ZNF493: variants seen among roughly 807,000 people sequenced by gnomAD.
ZNF493 encodes the protein zinc finger protein 493.
ZNF493 carries 11 observed loss-of-function variants against 12.2 expected under a neutral mutation model. That is an observed-to-expected ratio of 0.90 (90% CI 0.57 to 1.50). The LOEUF (loss-of-function observed/expected upper bound fraction) is 1.50. ZNF493 is among the 40% of genes most tolerant of loss of function. The pLI is 0.00. For synonymous variants in ZNF493, 286 were observed against 302.6 expected, an observed-to-expected ratio of 0.95 and a Z score of 0.57; for missense variants, 950 against 906.6, an observed-to-expected ratio of 1.05 and a Z score of -0.61.
intron 1 of ZNF493, among the ~76,000 whole-genome samples, chr19:21,400,646 G>T (rs1420969661): frequency 6.6e-6 from 1 of 152,138 alleles, no homozygotes; most frequent in Non-Finnish European, 1.5e-5. Context: ...AGATGTTCCA[G>T]CCTGCTCACT....
chr19:21,413,565 C>A, intron 3 of ZNF493: 1 of 405,128 alleles, frequency 2.5e-6, no homozygotes, highest in South Asian at 1.2e-4. Context: ...TCCTCAGCAT[C>A]AATCTTGACA....
intron 1 of ZNF493, among the ~76,000 whole-genome samples, chr19:21,400,538 G>A (rs2029903304): frequency 6.6e-6 from 1 of 152,134 alleles, no homozygotes; most frequent in South Asian, 2.1e-4. Flanking sequence ...GAAAATTAAA[G>A]GTTGAGCCCA....
In ZNF493 at chr19:21,426,770, T is replaced by G. The variant is rs1046894275; in HGVS notation, c.*1786T>G. On this transcript the variant is annotated 3_prime_UTR_variant, in exon 4 of 4. Transcript: ENST00000392288. Reference sequence around the variant, plus strand: ...TAAAAAAAATTTTAATCCAAATTTGTCTATGTAAATACCAGAATTTATAGT... The same window carrying G: ...TAAAAAAAATTTTAATCCAAATTTGGCTATGTAAATACCAGAATTTATAGT... The G allele has an allele frequency of 3.6e-5, 6 of 167,006 alleles. No homozygotes were observed. Among genetic ancestry groups the G allele is most frequent in the Non-Finnish European group, 8.8e-5 (6 of 68,078 alleles). 10.3% of individuals were successfully genotyped at this position (167,006 alleles called of 1,614,324 possible).
intron 3 of ZNF493, chr19:21,407,578 C>T: frequency 2.1e-6 from 2 of 973,010 alleles, no homozygotes; most frequent in Non-Finnish European, 2.4e-6. Flanking sequence ...CGTGAGCCAC[C>T]ATGCCCAGCC....
At chr19:21,418,904 C>G (rs2030572385) in intron 3 of ZNF493, among the ~76,000 whole-genome samples, 1 of 152,144 alleles carries the variant, frequency 6.6e-6, no homozygotes, top group African/African-American at 2.4e-5. Context: ...AACCCACAAC[C>G]TCCCAGCGTG....
intron 1 of ZNF493, among the ~76,000 whole-genome samples, chr19:21,404,834 C>T (rs555011995): frequency 6.8e-5 from 9 of 132,010 alleles, no homozygotes; most frequent in African/African-American, 2.2e-4. Flanking sequence ...CTTTGTGTGG[C>T]AAATATAGCA....
At chr19:21,410,091 T>TATATATGC (rs1555730610) in intron 3 of ZNF493, among the ~76,000 whole-genome samples, 1 of 144,472 alleles carries the variant, frequency 6.9e-6, no homozygotes, top group South Asian at 2.2e-4. Flanking sequence ...TATATATATA[T>TATATATGC]GCAACACTTT....
intron 1 of ZNF493, among the ~76,000 whole-genome samples, chr19:21,400,269 G>A (rs1190117219): frequency 6.6e-6 from 1 of 152,146 alleles, no homozygotes; most frequent in South Asian, 2.1e-4. Context: ...AATTAGCTGG[G>A]CATGGTGGCA....
At chr19:21,412,532 CT>C (rs1011818773) in intron 3 of ZNF493, 3 of 155,600 alleles carry the variant, frequency 1.9e-5, no homozygotes, top group Non-Finnish European at 2.8e-5. Flanking sequence ...CAACATGTCT[CT>C]TCTTTGATTT....
At chr19:21,417,063 A>T (rs146734046) in intron 3 of ZNF493, among the ~76,000 whole-genome samples, 1 of 152,316 alleles carries the variant, frequency 6.6e-6, no homozygotes, top group East Asian at 1.9e-4. Flanking sequence ...CCCAGTTTAG[A>T]ACGGGGCCTG....
At position 21,397,176 on chromosome 19, in the gene ZNF493, GCT is replaced by G; in HGVS notation, c.-59_-58del. The G allele has an allele frequency of 6.2e-7, 1 of 1,602,204 alleles. No homozygotes were observed. The highest frequency in any genetic ancestry group is 8.6e-7 in the Non-Finnish European group (1 of 1,169,074). ...CGGAGCTCCAGGTCTACCCTTCACTGCTCTGTGTCCTCAGCGTGTGTGGCTTC... is the reference window on the plus strand; with the variant it reads ...CGGAGCTCCAGGTCTACCCTTCACTGCTGTGTCCTCAGCGTGTGTGGCTTC... On this transcript the variant is annotated 5_prime_UTR_variant, in exon 1 of 4. Transcript: ENST00000392288.
intron 1 of ZNF493, chr19:21,398,389 CTT>C (rs1974206942): frequency 5.7e-6 from 1 of 175,610 alleles, no homozygotes; most frequent in Non-Finnish European, 1.2e-5. Flanking sequence ...ATCTCTGTCT[CTT>C]TTGCTTTCAT....
In ZNF493 at chr19:21,423,675, A is replaced by G. The variant is rs777895862; in HGVS notation, c.1016A>G (p.His339Arg). The change falls in exon 4 of 4, where the codon CAT (histidine) becomes CGT (arginine). Residue 339 changes from histidine to arginine, a missense_variant. By Grantham distance (29) the His-to-Arg change is conservative. Transcript: ENST00000392288. Reference protein sequence around the residue: ...AFSIFSTPTKHKIIHTEEKSH... With the variant: ...AFSIFSTPTKRKIIHTEEKSH... ...AGTATTTTCTCAACCCCTACTAAACATAAGATAATTCACACTGAAGAGAAA... is the reference window on the plus strand; with the variant it reads ...AGTATTTTCTCAACCCCTACTAAACGTAAGATAATTCACACTGAAGAGAAA... 5 of 1,613,802 alleles carry G rather than the reference A, an allele frequency of 3.1e-6. No individual in the cohort carries two copies. In the South Asian group the frequency reaches 3.3e-5, roughly 11 times the overall value.
At chr19:21,399,265 A>G (rs1238392898) in intron 1 of ZNF493, among the ~76,000 whole-genome samples, 1 of 151,306 alleles carries the variant, frequency 6.6e-6, no homozygotes, top group Non-Finnish European at 1.5e-5. Flanking sequence ...GGTTCCCGCC[A>G]TTCTCCTGCC....
chr19:21,423,392 TC>T lies in ZNF493; in HGVS notation c.734del (p.Ser245PhefsTer41). The T allele has an allele frequency of 6.2e-7, 1 of 1,612,880 alleles. No individual in the cohort carries two copies. Among genetic ancestry groups the T allele is most frequent in the Non-Finnish European group, 8.5e-7 (1 of 1,179,652 alleles). On this transcript the variant is annotated frameshift_variant, in exon 4 of 4. Coordinates refer to ENST00000392288, the MANE Select transcript of ZNF493 (RefSeq NM_001076678.3). LOFTEE classifies it low-confidence loss of function (END_TRUNC). ...EKSYKYECGK[S>X]FNQDSNLTTH... ...ATCCTACAAATATGAATGTGGCAAA[TC>T]TTTTAACCAGGACTCAAACCTTACT...
intron 1 of ZNF493, among the ~76,000 whole-genome samples, chr19:21,400,767 A>G (rs1286670368): frequency 6.6e-6 from 1 of 152,216 alleles, no homozygotes; most frequent in Non-Finnish European, 1.5e-5. Context: ...CATACTGACC[A>G]TGTAGTTGTT....
chr19:21,403,664 T>C (rs551788324), intron 1 of ZNF493, among the ~76,000 whole-genome samples: 2 of 152,338 alleles, frequency 1.3e-5, no homozygotes, highest in East Asian at 3.9e-4. Context: ...TGGCTTTTTT[T>C]TTCAGCTAAA....
chr19:21,404,371 G>A (rs1399018727), intron 1 of ZNF493, among the ~76,000 whole-genome samples: 1 of 152,130 alleles, frequency 6.6e-6, no homozygotes, highest in Non-Finnish European at 1.5e-5. Flanking sequence ...TAATGCAGTT[G>A]ATTTTAAAAT....
At position 21,423,363 on chromosome 19, in the gene ZNF493, A is replaced by T; in HGVS notation, c.704A>T (p.Glu235Val). Residue 235 changes from glutamate to valine, a missense_variant, in exon 4 of 4, where the codon GAG (glutamate) becomes GTG (valine). Glu to Val is a moderately radical substitution (Grantham distance 121). Transcript: ENST00000392288. ...LTRHRRVHTG[E>V]KSYKYECGKS... ...AGACACAGGAGAGTTCATACTGGAGAGAAATCCTACAAATATGAATGTGGC... is the reference window on the plus strand; with the variant it reads ...AGACACAGGAGAGTTCATACTGGAGTGAAATCCTACAAATATGAATGTGGC... 1 of 1,613,728 alleles carries T rather than the reference A, an allele frequency of 6.2e-7. No individual in the cohort carries two copies. Among genetic ancestry groups the T allele is most frequent in the Non-Finnish European group, 8.5e-7 (1 of 1,179,866 alleles).
Sources: gnomAD v4.1 joint callset for allele counts (sites outside exome capture counted in the v4.1 genomes callset) on GRCh38, gnomAD v4.1.1 for gene constraint, MANE v1.5 for transcripts, NCBI Gene and HGNC (gene_info 2026-07-23, HGNC 2026-07-21) for gene names.